The following PITPNM2 variants were observed in gnomAD, a reference collection of about 807,000 sequenced individuals.
The protein encoded by PITPNM2 is phosphatidylinositol transfer protein membrane associated 2.
A neutral mutation model predicts 132.2 loss-of-function variants in PITPNM2; 35 were observed. The observed-to-expected ratio is 0.26, with a 90% CI of 0.20 to 0.35. The LOEUF (loss-of-function observed/expected upper bound fraction) is 0.35, where lower values mean the gene tolerates loss of function less well. Among genes scored for constraint, PITPNM2 ranks in the 10% least tolerant of loss-of-function variants. PITPNM2 has a pLI of 1.00. For missense variants in PITPNM2, 1,332 were observed against 1,912.0 expected (o/e 0.70, Z 5.66); for synonymous variants, 738 against 799.2 (o/e 0.92, Z 1.29).
At chr12:123,129,518 C>T (rs1485298545) in intron 1 of PITPNM2, among the ~76,000 whole-genome samples, 3 of 148,842 alleles carry the variant, frequency 2.0e-5, no homozygotes, top group African/African-American at 7.5e-5. Context: ...TGCAGTGAGC[C>T]GAGATTGCGC....
chr12:123,065,283 C>T (rs985716775), intron 2 of PITPNM2, among the ~76,000 whole-genome samples: 1 of 152,236 alleles, frequency 6.6e-6, no homozygotes, highest in African/African-American at 2.4e-5. Flanking sequence ...CATAGCCCTC[C>T]AGTCACTGTC....
intron 2 of PITPNM2, among the ~76,000 whole-genome samples, chr12:123,103,481 G>A (rs1292987736): frequency 1.3e-5 from 2 of 152,204 alleles, no homozygotes; most frequent in African/African-American, 4.8e-5. Flanking sequence ...AGCTGCTGAA[G>A]GCCCAGAGTG....
intron 2 of PITPNM2, among the ~76,000 whole-genome samples, chr12:123,060,390 C>T (rs1000244162): frequency 3.3e-5 from 5 of 152,222 alleles, no homozygotes; most frequent in African/African-American, 1.2e-4. Context: ...GAAATTCTGA[C>T]CTACTAAGTT....
chr12:123,127,177 CA>C (rs2043156544), intron 1 of PITPNM2, among the ~76,000 whole-genome samples: 1 of 152,194 alleles, frequency 6.6e-6, no homozygotes, highest in Non-Finnish European at 1.5e-5. Context: ...CAAATGTGTT[CA>C]AAACATTCTG....
chr12:123,134,283 G>A (rs575812116), intron 1 of PITPNM2, among the ~76,000 whole-genome samples: 1 of 151,986 alleles, frequency 6.6e-6, no homozygotes, highest in Non-Finnish European at 1.5e-5. Context: ...CAAGATGGTC[G>A]CGATCTTCTG....
At chr12:123,033,369 G>T (rs186331570) in intron 3 of PITPNM2, among the ~76,000 whole-genome samples, 7 of 152,192 alleles carry the variant, frequency 4.6e-5, no homozygotes, top group Admixed American at 1.3e-4. Context: ...AGAAAGGACT[G>T]CAGCCAGGAC....
chr12:123,057,018 C>T (rs368906580), intron 2 of PITPNM2, among the ~76,000 whole-genome samples: 2 of 152,256 alleles, frequency 1.3e-5, no homozygotes, highest in East Asian at 3.9e-4. Flanking sequence ...AAGAGAAAAG[C>T]GCGTCTGAGT....
intron 2 of PITPNM2, among the ~76,000 whole-genome samples, chr12:123,038,385 T>C (rs2040349892): frequency 6.6e-6 from 1 of 152,190 alleles, no homozygotes; most frequent in Admixed American, 6.5e-5. Context: ...CTGCAAAGCC[T>C]CACAATGCCT....
At chr12:122,986,966 G>A (rs2037963184) in intron 23 of PITPNM2, 137 bp from the exon 24 acceptor site, 5 of 1,187,494 alleles carry the variant, frequency 4.2e-6, no homozygotes, top group Non-Finnish European at 5.8e-6. Flanking sequence ...GACAATGGTT[G>A]ACAATGACGT....
chr12:122,997,223 A>G, intron 11 of PITPNM2, 102 bp downstream of exon 11: 1 of 1,536,142 alleles, frequency 6.5e-7, no homozygotes, highest in South Asian at 1.2e-5. Context: ...GGGTCTGGAC[A>G]TCGGGGCAGG....
chr12:123,041,696 C>T (rs2040482618), intron 2 of PITPNM2, among the ~76,000 whole-genome samples: 1 of 152,112 alleles, frequency 6.6e-6, no homozygotes, highest in Non-Finnish European at 1.5e-5. Flanking sequence ...TGTTTTACTG[C>T]TGTCTGCAGG....
intron 1 of PITPNM2, among the ~76,000 whole-genome samples, chr12:123,138,704 C>T (rs571702312): frequency 2.6e-5 from 4 of 152,196 alleles, no homozygotes; most frequent in African/African-American, 9.6e-5. Flanking sequence ...GAGTGACTGC[C>T]AATGGGTGTA....
chr12:123,015,468 G>T (rs1342427832), intron 3 of PITPNM2, among the ~76,000 whole-genome samples: 1 of 152,130 alleles, frequency 6.6e-6, no homozygotes, highest in Non-Finnish European at 1.5e-5. Flanking sequence ...TTTAAAAAAT[G>T]GTGCTGGGAC....
intron 1 of PITPNM2, among the ~76,000 whole-genome samples, chr12:123,145,959 A>C (rs2043606539): frequency 6.6e-6 from 1 of 152,238 alleles, no homozygotes; most frequent in Non-Finnish European, 1.5e-5. Flanking sequence ...CACATAGTAT[A>C]GAATACTATA....
intron 2 of PITPNM2, among the ~76,000 whole-genome samples, chr12:123,079,023 C>T (rs1034641862): frequency 6.6e-6 from 1 of 152,176 alleles, no homozygotes; most frequent in African/African-American, 2.4e-5. Context: ...GAGATGATAC[C>T]ACGTTCTACC....
rs921206649 is a variant in PITPNM2 at position 122,988,696 on chromosome 12, C to T, written c.2880+28G>A. ...GTCATGGGTGTTGTCACTCAGGGCC[C>T]TCCTGGGAGGTCCCAGGCCCCGGGT... On this transcript the variant is annotated intron_variant, in intron 19 of 25. Transcript: ENST00000320201. 4 of 1,545,634 alleles carry T rather than the reference C, an allele frequency of 2.6e-6. No homozygotes were observed. The African/African-American group carries it at 5.5e-5, about 21-fold the overall frequency.
At chr12:122,991,820 A>G in intron 16 of PITPNM2, 2 of 1,302,896 alleles carry the variant, frequency 1.5e-6, no homozygotes, top group Non-Finnish European at 2.0e-6. Flanking sequence ...ACTGGTTTCC[A>G]GGAAGCCGTC....
At chr12:123,069,148 G>A (rs2136883055) in intron 2 of PITPNM2, among the ~76,000 whole-genome samples, 1 of 152,104 alleles carries the variant, frequency 6.6e-6, no homozygotes, top group African/African-American at 2.4e-5. Flanking sequence ...AGCTACTCAG[G>A]GGACTGAGGC....
intron 3 of PITPNM2, among the ~76,000 whole-genome samples, chr12:123,033,057 C>T (rs1183083997): frequency 2.6e-5 from 4 of 152,190 alleles, no homozygotes; most frequent in Non-Finnish European, 4.4e-5. Context: ...GCCCAATAGG[C>T]GAAGCCAGTG....
Sources: allele counts gnomAD v4.1 joint callset (sites outside exome capture counted in the v4.1 genomes callset), GRCh38; gene constraint gnomAD v4.1.1; transcripts MANE v1.5; gene names NCBI Gene and HGNC (gene_info 2026-07-23, HGNC 2026-07-21).